GTF2H3: variants seen among roughly 807,000 people sequenced by gnomAD.
GTF2H3 encodes general transcription factor IIH subunit 3.
Under a neutral mutation model 51.1 loss-of-function variants are expected in GTF2H3, and 42 were observed. That is an observed-to-expected ratio of 0.82 (90% CI 0.64 to 1.06). GTF2H3 has a LOEUF of 1.06. GTF2H3 is among the 50% of genes least tolerant of loss of function. GTF2H3 has a pLI of 0.00. For missense variants in GTF2H3, 326 were observed against 366.1 expected (o/e 0.89, Z 0.89); for synonymous variants, 123 against 123.8 (o/e 0.99, Z 0.04).
rs770887468 is a variant in GTF2H3, at chr12:123,639,223, G to C, written c.14-41G>C. 3 of 934,710 alleles carry C rather than the reference G, an allele frequency of 3.2e-6. No individual in the cohort carries two copies. The Admixed American group carries it at 5.9e-5, about 18-fold the overall frequency. 57.9% of individuals were successfully genotyped at this position (934,710 alleles called of 1,614,324 possible). On this transcript the variant is annotated intron_variant, in intron 1 of 12. Transcript: ENST00000543341. ...ATGTTAGCTTTGATTCATTTTTATG[G>C]AGCTAATGTTTTAAATTTTATTTCT...
intron 9 of GTF2H3, 86 bp from the exon 10 acceptor site, chr12:123,659,430 G>A (rs769919689): frequency 1.1e-6 from 1 of 914,544 alleles, no homozygotes; most frequent in South Asian, 1.3e-5. Flanking sequence ...GATTTTGTAG[G>A]CCCAAGGCAT....
chr12:123,653,823 T>C (rs1955549788), intron 7 of GTF2H3, among the ~76,000 whole-genome samples: 1 of 152,118 alleles, frequency 6.6e-6, no homozygotes, highest in South Asian at 2.1e-4. Context: ...ATTTTGGTAA[T>C]CTGTGTCAAA....
At chr12:123,652,865 G>C in intron 7 of GTF2H3, 130 bp downstream of exon 7, 1 of 806,652 alleles carries the variant, frequency 1.2e-6, no homozygotes, top group Non-Finnish European at 1.8e-6. Flanking sequence ...ATCACTTGAG[G>C]TCAGGAGTTC....
intron 3 of GTF2H3, among the ~76,000 whole-genome samples, chr12:123,647,704 CTG>C (rs11572958): frequency 3.0e-4 from 45 of 152,326 alleles, no homozygotes; most frequent in African/African-American, 9.9e-4. Flanking sequence ...TCAGAAAACA[CTG>C]GAATCAGTAA....
In GTF2H3 at chr12:123,639,266, G is replaced by A. The variant is rs763171174; in HGVS notation, c.16G>A (p.Asp6Asn). MVSDE[D>N]ELNLLVIVVD... Reference sequence around the variant, plus strand: ...TTATTTCTTGTTAATATTTTCAGAAGATGAATTGAATCTTCTGGTTATTGT... The same window carrying A: ...TTATTTCTTGTTAATATTTTCAGAAAATGAATTGAATCTTCTGGTTATTGT... Residue 6 changes from aspartate to asparagine, a missense_variant and splice_region_variant, in exon 2 of 13, where the codon GAT becomes AAT. Physicochemically the swap from Asp to Asn is conservative, Grantham distance 23. Transcript: ENST00000543341. 1 of 1,463,256 alleles carries A rather than the reference G, an allele frequency of 6.8e-7. No homozygotes were observed. 90.6% of individuals were successfully genotyped at this position (1,463,256 alleles called of 1,614,324 possible). A position where few individuals can be genotyped will look rare whatever the true frequency, so the allele number is the denominator to read the frequency against.
chr12:123,652,078 G>A (rs1216725606), intron 5 of GTF2H3, among the ~76,000 whole-genome samples: 3 of 152,162 alleles, frequency 2.0e-5, no homozygotes, highest in Non-Finnish European at 2.9e-5. Context: ...ATAGGTGAAC[G>A]GGTTGTTTTG....
At chr12:123,646,900 C>G (rs1315919921) in intron 3 of GTF2H3, among the ~76,000 whole-genome samples, 1 of 151,412 alleles carries the variant, frequency 6.6e-6, no homozygotes, top group Non-Finnish European at 1.5e-5. Context: ...GTCTGTAATC[C>G]CAGCACTTTG....
At chr12:123,659,962 T>TC (rs1365957114) in intron 11 of GTF2H3, 32 bp downstream of exon 11, 1 of 1,607,410 alleles carries the variant, frequency 6.2e-7, no homozygotes. Flanking sequence ...TTCTTTTTTT[T>TC]CTATGTTGGG....
intron 1 of GTF2H3, among the ~76,000 whole-genome samples, chr12:123,637,983 TTTTG>T (rs202238371): frequency 0.074 from 11,156 of 151,478 alleles, 567 homozygotes; most frequent in African/African-American, 0.14. Flanking sequence ...CAGTAGGTGG[TTTTG>T]TTTGTTTGTT....
At chr12:123,651,331 C>T (rs1284044271) in intron 5 of GTF2H3, among the ~76,000 whole-genome samples, 1 of 152,126 alleles carries the variant, frequency 6.6e-6, no homozygotes, top group African/African-American at 2.4e-5. Context: ...TTGCTTCAGC[C>T]TCCCAAGTAG....
At chr12:123,637,169 CAATT>C (rs369826357) in intron 1 of GTF2H3, among the ~76,000 whole-genome samples, 13 of 152,174 alleles carry the variant, frequency 8.5e-5, no homozygotes, top group African/African-American at 3.1e-4. Flanking sequence ...TCTGTCACCT[CAATT>C]AGAGTATAGT....
chr12:123,660,452 A>G lies in GTF2H3; in HGVS notation c.*217A>G. Reference sequence around the variant, plus strand: ...TATGCATTATATCCTAAAATATTCTATGACTGGTTTCTGTCCATGTTTGTG... The same window carrying G: ...TATGCATTATATCCTAAAATATTCTGTGACTGGTTTCTGTCCATGTTTGTG... On this transcript the variant is annotated 3_prime_UTR_variant, in exon 13 of 13. Transcript: ENST00000543341. 1 of 409,848 alleles carries G rather than the reference A, an allele frequency of 2.4e-6. No homozygotes were observed. Among genetic ancestry groups the G allele is most frequent in the Non-Finnish European group, 4.3e-6 (1 of 232,076 alleles). 25.4% of individuals were successfully genotyped at this position (409,848 alleles called of 1,614,324 possible).
intron 3 of GTF2H3, among the ~76,000 whole-genome samples, chr12:123,647,624 A>C (rs1474328752): frequency 6.6e-6 from 1 of 152,254 alleles, no homozygotes; most frequent in East Asian, 1.9e-4. Flanking sequence ...TTGAGAAAGG[A>C]AGGCACGGGC....
intron 3 of GTF2H3, among the ~76,000 whole-genome samples, chr12:123,645,972 C>A (rs1955441186): frequency 6.6e-6 from 1 of 152,110 alleles, no homozygotes; most frequent in Non-Finnish European, 1.5e-5. Flanking sequence ...TGTGAGTGAA[C>A]CTGGTGCTTT....
At chr12:123,644,767 T>C (rs917613634) in intron 2 of GTF2H3, among the ~76,000 whole-genome samples, 4 of 152,238 alleles carry the variant, frequency 2.6e-5, no homozygotes, top group African/African-American at 4.8e-5. Flanking sequence ...TGGCTCAGTA[T>C]AGTTAGTGAA....
chr12:123,657,919 GT>G (rs1220184131), intron 9 of GTF2H3, among the ~76,000 whole-genome samples: 1 of 152,202 alleles, frequency 6.6e-6, no homozygotes, highest in Non-Finnish European at 1.5e-5. Flanking sequence ...ATGAATGATT[GT>G]TGGGAAAAAC....
At chr12:123,634,732 A>G (rs1385158330) in intron 1 of GTF2H3, among the ~76,000 whole-genome samples, 2 of 152,210 alleles carry the variant, frequency 1.3e-5, no homozygotes. Context: ...AGACTCATTC[A>G]TACATTAAAC....
intron 5 of GTF2H3, among the ~76,000 whole-genome samples, 170 bp from the exon 6 acceptor site, chr12:123,652,362 A>C (rs1293345654): frequency 6.6e-6 from 1 of 152,108 alleles, no homozygotes; most frequent in African/African-American, 2.4e-5. Context: ...AGAGTTAGGA[A>C]CTGAAAACCC....
At position 123,648,050 on chromosome 12, in the gene GTF2H3, T is replaced by C. The variant is rs1955473372; in HGVS notation, c.288T>C (p.Ser96=). 6.2e-7 allele frequency: 1 copy of C among 1,611,608 alleles called. No homozygotes were observed. Among genetic ancestry groups the C allele is most frequent in the South Asian group, 1.1e-5 (1 of 90,980 alleles). Residue 96 remains serine, a synonymous_variant, in exon 4 of 13, where the codon AGT becomes AGC. Transcript: ENST00000543341. ...CTCCTGAATTTAATCCCTCTGGGAG[T>C]AAAGATGGAAAATACGAACTTTTAA... The part of the protein sequence containing the change: ...GNPPEFNPSG[S]KDGKYELLTS...
Sources: allele counts gnomAD v4.1 joint callset (sites outside exome capture counted in the v4.1 genomes callset), GRCh38; gene constraint gnomAD v4.1.1; transcripts MANE v1.5; gene names NCBI Gene and HGNC (gene_info 2026-07-23, HGNC 2026-07-21).